APOOL: variants seen among roughly 807,000 people sequenced by gnomAD.
APOOL encodes apolipoprotein O like, also known as MICOS complex subunit MIC27.
A neutral mutation model predicts 23.1 loss-of-function variants in APOOL; 12 were observed. The observed-to-expected ratio is 0.52, with a 90% CI of 0.33 to 0.84. The LOEUF (loss-of-function observed/expected upper bound fraction) is 0.84, where lower values mean the gene tolerates loss of function less well. Among genes scored for constraint, APOOL ranks in the 40% least tolerant of loss-of-function variants. The pLI is 0.02. For missense variants in APOOL, 212 were observed against 199.6 expected, an observed-to-expected ratio of 1.06 and a Z score of -0.37; for synonymous variants, 77 against 69.9, an observed-to-expected ratio of 1.10 and a Z score of -0.51.
chrX:85,072,121 C>CA (rs1237454685), intron 6 of APOOL, among the ~76,000 whole-genome samples: 4 of 110,474 alleles, frequency 3.6e-5, no homozygotes, highest in Non-Finnish European at 7.6e-5. Flanking sequence ...AAAAAACAAA[C>CA]AAAAAAAAGA....
intron 1 of APOOL, among the ~76,000 whole-genome samples, chrX:85,041,857 T>G (rs987905699): frequency 2.7e-5 from 3 of 110,368 alleles, no homozygotes; most frequent in Non-Finnish European, 5.7e-5. Context: ...CAGTCCTGGG[T>G]GGGCAGCTGT....
intron 2 of APOOL, among the ~76,000 whole-genome samples, chrX:85,047,290 T>C: frequency 8.9e-6 from 1 of 111,976 alleles, no homozygotes. Context: ...ACTATCATGA[T>C]CAGCCTCTGC....
intron 1 of APOOL, among the ~76,000 whole-genome samples, chrX:85,037,412 T>G (rs1922251055): frequency 8.9e-6 from 1 of 111,882 alleles, no homozygotes; most frequent in East Asian, 2.8e-4. Flanking sequence ...ATTCTTCTCT[T>G]GTCTGCTGCC....
intron 1 of APOOL, among the ~76,000 whole-genome samples, chrX:85,020,731 G>C (rs1921634714): frequency 1.8e-5 from 2 of 111,580 alleles, no homozygotes; most frequent in Non-Finnish European, 3.8e-5. Flanking sequence ...TAGTCATCAG[G>C]CTACCATGTG....
Position 85,092,785 on chromosome X carries a change from C to G in APOOL, c.*5107C>G. The G allele has an allele frequency of 2.8e-6, 1 of 361,560 alleles. No homozygotes were observed. Among genetic ancestry groups the G allele is most frequent in the Middle Eastern group, 7.6e-4 (1 of 1,322 alleles). 29.8% of individuals were successfully genotyped at this position (361,560 alleles called of 1,213,427 possible). A position where few individuals can be genotyped will look rare whatever the true frequency, so the allele number is the denominator to read the frequency against. On this transcript the variant is annotated 3_prime_UTR_variant, in exon 9 of 9. Coordinates refer to ENST00000373173, the MANE Select transcript of APOOL (RefSeq NM_198450.6). Reference sequence around the variant, plus strand: ...AAAATCTCAAAACTGATTTGCAAAGCCTTTATCATACAGAAAAGGTGTACC... The same window carrying G: ...AAAATCTCAAAACTGATTTGCAAAGGCTTTATCATACAGAAAAGGTGTACC...
rs1924388170 is a variant in APOOL, at chrX:85,088,079, TATATGTATAAATACA to T, written c.*402_*416del. The T allele has an allele frequency of 1.4e-4, 3 of 21,983 alleles. No homozygotes were observed. The highest frequency in any genetic ancestry group is 2.6e-4 in the Non-Finnish European group (3 of 11,501). The allele number at this position is 21,983 out of a possible 1,213,427, so 1.8% of individuals were successfully genotyped here. On this transcript the variant is annotated 3_prime_UTR_variant, in exon 9 of 9. Transcript: ENST00000373173. ...ACATATATGTATAAATACATATACATATATGTATAAATACATATACATATTTATACATATATGTAT... is the reference window on the plus strand; with the variant it reads ...ACATATATGTATAAATACATATACATTATACATATTTATACATATATGTAT...
In APOOL at chrX:85,093,208, C is replaced by T; in HGVS notation, c.*5530C>T. The T allele has an allele frequency of 8.6e-7, 1 of 1,164,809 alleles. No homozygotes were observed. The highest frequency in any genetic ancestry group is 1.1e-6 in the Non-Finnish European group (1 of 870,698). ...ACCTGACTTAGCCTCTTCAGCATTT[C>T]AGCTCCAATACCTAGGCCTTTTAAA... is the stretch of plus-strand genomic sequence containing the variant. On this transcript the variant is annotated 3_prime_UTR_variant, in exon 9 of 9. Transcript: ENST00000373173.
Position 85,092,645 on chromosome X carries a change from C to T in APOOL, c.*4967C>T, listed in dbSNP as rs1924561148. 1.2e-6 allele frequency: 1 copy of T among 839,016 alleles called. No homozygotes were observed. The highest frequency in any genetic ancestry group is 1.7e-6 in the Non-Finnish European group (1 of 602,612). The allele number at this position is 839,016 out of a possible 1,213,427, so 69.1% of individuals were successfully genotyped here. On this transcript the variant is annotated 3_prime_UTR_variant, in exon 9 of 9. Coordinates refer to ENST00000373173, the MANE Select transcript of APOOL (RefSeq NM_198450.6). ...ACATATATTTTATTGAAGGTCTACT[C>T]TATGCAAGACACTATGTGTGAATAA...
chrX:85,070,913 C>A (rs1038159981), intron 6 of APOOL, among the ~76,000 whole-genome samples: 1 of 110,929 alleles, frequency 9.0e-6, no homozygotes, highest in African/African-American at 3.3e-5. Context: ...TTAGAAACAA[C>A]CTAAGTGTCT....
rs374076576 is a variant in APOOL, at chrX:85,088,109, CATAT to C, written c.*434_*437del. 4.6e-4 allele frequency: 2 copies of C among 4,393 alleles called. No homozygotes were observed. The highest frequency in any genetic ancestry group is 2.9e-3 in the Admixed American group (1 of 348). 0.4% of individuals were successfully genotyped at this position (4,393 alleles called of 1,213,427 possible). ...GTATAAATACATATACATATTTATACATATATGTATAAATACATACATATTTATA... is the reference window on the plus strand; with the variant it reads ...GTATAAATACATATACATATTTATACATGTATAAATACATACATATTTATA... On this transcript the variant is annotated 3_prime_UTR_variant, in exon 9 of 9. Transcript: ENST00000373173.
Position 85,092,617 on chromosome X carries a change from A to C in APOOL, c.*4939A>C. ...TTCATTTGAAAGTATAATCTTCGTT[A>C]ACACATATATTTTATTGAAGGTCTA... On this transcript the variant is annotated 3_prime_UTR_variant, in exon 9 of 9. Coordinates refer to ENST00000373173, the MANE Select transcript of APOOL (RefSeq NM_198450.6). The C allele has an allele frequency of 9.5e-7, 1 of 1,056,817 alleles. No individual in the cohort carries two copies. Among genetic ancestry groups the C allele is most frequent in the Non-Finnish European group, 1.3e-6 (1 of 771,362 alleles). 87.1% of individuals were successfully genotyped at this position (1,056,817 alleles called of 1,213,427 possible). A position where few individuals can be genotyped will look rare whatever the true frequency, so the allele number is the denominator to read the frequency against.
At chrX:85,041,779 TGA>T in intron 1 of APOOL, among the ~76,000 whole-genome samples, 1 of 111,102 alleles carries the variant, frequency 9.0e-6, no homozygotes, top group South Asian at 4.0e-4. Flanking sequence ...GGCATAAGTG[TGA>T]GTGTCTGGGG....
chrX:85,043,709 G>A (rs1043963400), intron 1 of APOOL, among the ~76,000 whole-genome samples: 1 of 110,893 alleles, frequency 9.0e-6, no homozygotes, highest in South Asian at 3.8e-4. Context: ...GATTTCTTTT[G>A]ACAAAAATTG....
At chrX:85,067,696 A>C in intron 6 of APOOL, among the ~76,000 whole-genome samples, 1 of 109,961 alleles carries the variant, frequency 9.1e-6, no homozygotes, top group Admixed American at 9.8e-5. Flanking sequence ...GAAACCACTT[A>C]GAATTAAGAA....
At chrX:85,065,685 A>C (rs936824202) in intron 5 of APOOL, among the ~76,000 whole-genome samples, 1 of 111,201 alleles carries the variant, frequency 9.0e-6, no homozygotes, top group African/African-American at 3.3e-5. Context: ...GAGGATGACT[A>C]TAAGTCTTTC....
rs1327859513 is a variant in APOOL, at chrX:85,054,405, G to T, written c.295+7G>T. The T allele has an allele frequency of 8.6e-7, 1 of 1,161,685 alleles. No individual in the cohort carries two copies. The highest frequency in any genetic ancestry group is 2.4e-5 in the Admixed American group (1 of 41,157). ...ACAGTACAATTTGGAAAAGGTAGGT[G>T]AGTAGATAATTAGAAATGTTTTATT... is the stretch of plus-strand genomic sequence containing the variant. On this transcript the variant is annotated splice_region_variant and intron_variant, in intron 4 of 8. Transcript: ENST00000373173.
Position 85,019,082 on chromosome X carries a change from C to G in APOOL, c.15+15155C>G, listed in dbSNP as rs1245337053. On this transcript the variant is annotated intron_variant, in intron 1 of 8. Coordinates refer to ENST00000373173, the MANE Select transcript of APOOL (RefSeq NM_198450.6). The stretch of plus-strand genomic sequence containing the variant: ...TTTCTCTCATGGGGGGATATTCTAG[C>G]CAAGGTTATTCCTCTTGGCACTGGT... Among the ~76,000 whole-genome samples, 3 of 111,229 alleles carry G rather than the reference C, an allele frequency of 2.7e-5. No homozygotes were observed. The East Asian group carries it at 8.5e-4, about 32-fold the overall frequency.
intron 1 of APOOL, among the ~76,000 whole-genome samples, chrX:85,018,491 T>C (rs1407913000): frequency 2.7e-5 from 3 of 111,801 alleles, no homozygotes; most frequent in African/African-American, 9.8e-5. Context: ...AAATTTGAGA[T>C]GACATTTCAA....
At chrX:85,081,061 G>A (rs989052246) in intron 8 of APOOL, among the ~76,000 whole-genome samples, 1 of 111,597 alleles carries the variant, frequency 9.0e-6, no homozygotes. Context: ...GCCAGTCTGT[G>A]TCTTTTAATT....
Sources: allele counts gnomAD v4.1 joint callset (sites outside exome capture counted in the v4.1 genomes callset), GRCh38; gene constraint gnomAD v4.1.1; transcripts MANE v1.5; gene names NCBI Gene and HGNC (gene_info 2026-07-23, HGNC 2026-07-21).